FGF14: variants seen among roughly 807,000 people sequenced by gnomAD.
FGF14 encodes fibroblast growth factor homologous factor 4.
FGF14 carries 5 observed loss-of-function variants against 25.5 expected under a neutral mutation model. That is an observed-to-expected ratio of 0.20 (90% CI 0.10 to 0.41). FGF14 has a LOEUF of 0.41. Among genes scored for constraint, FGF14 ranks in the 10% least tolerant of loss-of-function variants. The pLI is 1.00. For missense variants in FGF14, 222 were observed against 320.1 expected (o/e 0.69, Z 2.34); for synonymous variants, 138 against 118.3 (o/e 1.17, Z -1.08).
intron 3 of FGF14, chr13:101,802,624 T>C (rs750796505): frequency 6.0e-4 from 92 of 152,842 alleles, no homozygotes; most frequent in Non-Finnish European, 9.1e-4. Flanking sequence ...TTATGTCAAG[T>C]GGCCATGGGT....
intron 1 of FGF14, chr13:101,967,685 T>C (rs893763121): frequency 1.9e-5 from 3 of 154,268 alleles, no homozygotes; most frequent in Non-Finnish European, 4.4e-5. Context: ...AACTCCATGA[T>C]ACTGAAGAGT....
chr13:101,862,343 T>A (rs1324153142), intron 3 of FGF14, among the ~76,000 whole-genome samples: 1 of 152,010 alleles, frequency 6.6e-6, no homozygotes, highest in Non-Finnish European at 1.5e-5. Context: ...CTTTCCTTTA[T>A]ATTTATTTTT....
intron 3 of FGF14, among the ~76,000 whole-genome samples, chr13:101,760,301 C>G (rs1207513728): frequency 6.6e-6 from 1 of 152,160 alleles, no homozygotes; most frequent in Non-Finnish European, 1.5e-5. Flanking sequence ...TTCACTGCTT[C>G]CTGTCTAGCT....
At chr13:102,123,840 G>T (rs1253661320) in intron 1 of FGF14, among the ~76,000 whole-genome samples, 1 of 152,100 alleles carries the variant, frequency 6.6e-6, no homozygotes, top group South Asian at 2.1e-4. Flanking sequence ...AGTCATTTAC[G>T]TGAATTAAAT....
rs1460737960 is a variant in FGF14 at position 102,183,926 on chromosome 13, G to C, written c.208+217545C>G. Among the ~76,000 whole-genome samples the C allele has an allele frequency of 3.9e-5, 6 of 152,326 alleles. No individual in the cohort carries two copies. In the East Asian group the frequency reaches 7.7e-4, roughly 20 times the overall value. ...GTGAGGACTGACCAGGAACCACACAGATGCTCACCCAGTTGGCTCATCATA... is the reference window on the plus strand; with the variant it reads ...GTGAGGACTGACCAGGAACCACACACATGCTCACCCAGTTGGCTCATCATA... On this transcript the variant is annotated intron_variant, in intron 1 of 4. Transcript: ENST00000376131.
chr13:102,030,160 T>G (rs2041139994), intron 1 of FGF14, among the ~76,000 whole-genome samples: 1 of 152,128 alleles, frequency 6.6e-6, no homozygotes, highest in Admixed American at 6.6e-5. Context: ...AATGACATAC[T>G]TTAGTAAAAG....
intron 3 of FGF14, among the ~76,000 whole-genome samples, chr13:101,744,358 A>G (rs556920832): frequency 4.3e-4 from 66 of 152,216 alleles, no homozygotes; most frequent in African/African-American, 1.4e-3. Context: ...CAAAGTCACA[A>G]TTCCTGACCT....
chr13:102,097,408 C>A (rs181728268), intron 1 of FGF14, among the ~76,000 whole-genome samples: 1 of 152,264 alleles, frequency 6.6e-6, no homozygotes, highest in Admixed American at 6.5e-5. Flanking sequence ...TTCCAATATG[C>A]TTTTAGACAA....
intron 1 of FGF14, among the ~76,000 whole-genome samples, chr13:102,254,031 C>G (rs2052325725): frequency 6.6e-6 from 1 of 152,136 alleles, no homozygotes; most frequent in Admixed American, 6.5e-5. Flanking sequence ...AAACAATGAA[C>G]ACAGTACACG....
chr13:101,788,881 T>C (rs1369462936), intron 3 of FGF14, among the ~76,000 whole-genome samples: 6 of 24,892 alleles, frequency 2.4e-4, no homozygotes, highest in Non-Finnish European at 2.6e-4. Flanking sequence ...ACTATATATA[T>C]ATATATATAT....
chr13:102,033,456 C>A (rs1740989283), intron 1 of FGF14, among the ~76,000 whole-genome samples: 1 of 152,002 alleles, frequency 6.6e-6, no homozygotes, highest in Non-Finnish European at 1.5e-5. Flanking sequence ...GCTTAACAGA[C>A]CCATTCAAAT....
At chr13:102,328,490 T>A (rs1594865372) in intron 1 of FGF14, among the ~76,000 whole-genome samples, 1 of 152,318 alleles carries the variant, frequency 6.6e-6, no homozygotes, top group East Asian at 1.9e-4. Flanking sequence ...GTTTCTATCC[T>A]CCTTGTAGTT....
At chr13:101,913,649 A>G (rs1473705312) in intron 1 of FGF14, among the ~76,000 whole-genome samples, 1 of 151,848 alleles carries the variant, frequency 6.6e-6, no homozygotes, top group African/African-American at 2.4e-5. Context: ...TTTTCTCCCA[A>G]TGGGACAATA....
At chr13:101,759,270 G>T (rs1358095974) in intron 3 of FGF14, among the ~76,000 whole-genome samples, 3 of 152,156 alleles carry the variant, frequency 2.0e-5, no homozygotes, top group African/African-American at 7.2e-5. Flanking sequence ...TCAACTGGGA[G>T]TCTGAATCTT....
At chr13:101,886,003 T>A (rs1449951275) in intron 1 of FGF14, among the ~76,000 whole-genome samples, 1 of 152,170 alleles carries the variant, frequency 6.6e-6, no homozygotes, top group Non-Finnish European at 1.5e-5. Context: ...TCAGGACATG[T>A]TTGTGAAAAC....
rs191812090 is a variant in FGF14 at position 101,813,267 on chromosome 13, G to A, written c.408+55458C>T. ...CTATGGTCTGAGTGTGTCCTCCAAA[G>A]TTCCCATGTTGAAACTTAATGACCA... On this transcript the variant is annotated intron_variant, in intron 3 of 4. Transcript: ENST00000376143. 1.6e-4 allele frequency among the ~76,000 whole-genome samples: 25 copies of A among 152,274 alleles called. No individual in the cohort carries two copies. In the East Asian group the frequency reaches 4.3e-3, roughly 26 times the overall value.
intron 1 of FGF14, among the ~76,000 whole-genome samples, chr13:102,313,887 G>A (rs1232642336): frequency 1.3e-5 from 2 of 152,118 alleles, no homozygotes; most frequent in African/African-American, 2.4e-5. Flanking sequence ...TCAAGACAGA[G>A]AAATTAAAAT....
chr13:102,136,972 T>G (rs999690907), intron 1 of FGF14, among the ~76,000 whole-genome samples: 1 of 152,156 alleles, frequency 6.6e-6, no homozygotes, highest in Non-Finnish European at 1.5e-5. Context: ...TCGAACAATA[T>G]TTACGAACTT....
intron 1 of FGF14, among the ~76,000 whole-genome samples, chr13:102,356,278 G>A (rs2057415852): frequency 6.6e-6 from 1 of 152,164 alleles, no homozygotes; most frequent in Non-Finnish European, 1.5e-5. Flanking sequence ...TCCTTACTAA[G>A]AGCAAAACTT....
Sources: gnomAD v4.1 joint callset for allele counts (sites outside exome capture counted in the v4.1 genomes callset) on GRCh38, gnomAD v4.1.1 for gene constraint, MANE v1.5 for transcripts, NCBI Gene and HGNC (gene_info 2026-07-23, HGNC 2026-07-21) for gene names.